The following LHCGR variants were observed in gnomAD, a reference collection of about 807,000 sequenced individuals.
The protein encoded by LHCGR is lutropin-choriogonadotropic hormone receptor.
LHCGR carries 55 observed loss-of-function variants against 60.7 expected under a neutral mutation model. The observed-to-expected ratio is 0.91, with a 90% confidence interval of 0.73 to 1.13. LHCGR has a LOEUF of 1.13. Among genes scored for constraint, LHCGR ranks in the 50% most tolerant of loss-of-function variants. The pLI, the probability that LHCGR is intolerant of heterozygous loss-of-function variation, is 0.00. For missense variants in LHCGR, 862 were observed against 836.0 expected, an observed-to-expected ratio of 1.03 and a Z score of -0.38; for synonymous variants, 337 against 316.5, an observed-to-expected ratio of 1.06 and a Z score of -0.69.
intron 1 of LHCGR, among the ~76,000 whole-genome samples, chr2:48,746,594 A>C (rs2103717297): frequency 6.6e-6 from 1 of 152,334 alleles, no homozygotes; most frequent in Middle Eastern, 3.4e-3. Flanking sequence ...AGATGGTGTG[A>C]GGAGTTTATG....
intron 1 of LHCGR, among the ~76,000 whole-genome samples, chr2:48,732,512 A>G (rs530905586): frequency 2.0e-5 from 3 of 152,286 alleles, no homozygotes; most frequent in Non-Finnish European, 4.4e-5. Context: ...TCACTCAACA[A>G]TGGTGTGAGG....
rs575596660 is a variant in LHCGR, at chr2:48,721,318, G to A, written c.536+2138C>T. 1.1e-4 allele frequency: 19 copies of A among 176,720 alleles called. 1 individual carries two copies. In the South Asian group the frequency reaches 2.4e-3, roughly 22 times the overall value. The allele number at this position is 176,720 out of a possible 1,614,324, so 10.9% of individuals were successfully genotyped here. A position where few individuals can be genotyped will look rare whatever the true frequency, so the allele number is the denominator to read the frequency against. On this transcript the variant is annotated intron_variant, in intron 6 of 10. Coordinates refer to ENST00000294954, the MANE Select transcript of LHCGR (RefSeq NM_000233.4). ...AGTTCCAGATCCATTATGCAATGGTGAGTTGAAAACACTTTATAAGCAGCC... is the reference window on the plus strand; with the variant it reads ...AGTTCCAGATCCATTATGCAATGGTAAGTTGAAAACACTTTATAAGCAGCC...
intron 7 of LHCGR, among the ~76,000 whole-genome samples, chr2:48,712,928 A>G (rs1469246347): frequency 6.6e-6 from 1 of 152,192 alleles, no homozygotes; most frequent in East Asian, 1.9e-4. Context: ...GATATAGCAC[A>G]TATCAATATA....
chr2:48,746,897 T>C (rs1048525219), intron 1 of LHCGR, among the ~76,000 whole-genome samples: 4 of 152,186 alleles, frequency 2.6e-5, no homozygotes, highest in African/African-American at 9.7e-5. Context: ...CCTGTAATGA[T>C]TTCTTGAAAA....
chr2:48,753,635 T>C (rs961193673), intron 1 of LHCGR, among the ~76,000 whole-genome samples: 4 of 152,308 alleles, frequency 2.6e-5, no homozygotes, highest in Middle Eastern at 3.4e-3. Context: ...AAAAAAAATT[T>C]ACTTCAGCCT....
Position 48,687,883 on chromosome 2 carries a change from CA to C in LHCGR, c.1913del (p.Leu638ArgfsTer41), listed in dbSNP as rs1679978989. Reference sequence around the variant, plus strand: ...GACGTTTACAGCAGCCAAATTTGCTCAGCAAAAGAAAGAAATCTCTTTGGAA... The same window carrying C: ...GACGTTTACAGCAGCCAAATTTGCTCGCAAAAGAAAGAAATCTCTTTGGAA... ...KTFQRDFFLLLSKFGCCKRRA... is the reference protein window; with the variant it reads ...KTFQRDFFLLXSKFGCCKRRA... On this transcript the variant is annotated frameshift_variant, in exon 11 of 11. Coordinates refer to ENST00000294954, the MANE Select transcript of LHCGR (RefSeq NM_000233.4). LOFTEE classifies it high-confidence loss of function. 1 of 1,613,930 alleles carries C rather than the reference CA, an allele frequency of 6.2e-7. No homozygotes were observed. Among genetic ancestry groups the C allele is most frequent in the African/African-American group, 1.3e-5 (1 of 74,866 alleles).
chr2:48,711,873 T>C (rs184096676), intron 7 of LHCGR, among the ~76,000 whole-genome samples: 1 of 152,306 alleles, frequency 6.6e-6, no homozygotes, highest in African/African-American at 2.4e-5. Context: ...AGATGAACCT[T>C]CTTTAAGCAC....
intron 9 of LHCGR, 35 bp downstream of exon 9, chr2:48,698,580 G>C (rs1486109556): frequency 6.4e-7 from 1 of 1,565,552 alleles, no homozygotes; most frequent in African/African-American, 1.4e-5. Flanking sequence ...TTCTGCCACA[G>C]CTTGGGTAGG....
intron 1 of LHCGR, 78 bp downstream of exon 1, chr2:48,755,433 G>A (rs1205519893): frequency 3.3e-6 from 3 of 900,618 alleles, no homozygotes; most frequent in South Asian, 1.5e-5. Context: ...GGGGCCAAAG[G>A]AGTAGGGAGG....
At chr2:48,706,439 C>T (rs1374058961) in intron 8 of LHCGR, among the ~76,000 whole-genome samples, 1 of 152,162 alleles carries the variant, frequency 6.6e-6, no homozygotes, top group Non-Finnish European at 1.5e-5. Flanking sequence ...GAATGTTGGC[C>T]TGCCTTGCTA....
At chr2:48,720,547 C>G (rs1558858733) in intron 6 of LHCGR, 1 of 152,276 alleles carries the variant, frequency 6.6e-6, no homozygotes, top group Non-Finnish European at 1.5e-5. Context: ...ACTTAAGGGT[C>G]TCTGCAATTC....
Position 48,691,235 on chromosome 2 carries a change from T to G in LHCGR, c.948-2386A>C, listed in dbSNP as rs1215419611. Among the ~76,000 whole-genome samples the G allele has an allele frequency of 1.4e-4, 21 of 152,168 alleles. 1 individual carries two copies. Among genetic ancestry groups the G allele is most frequent in the Admixed American group, 1.4e-3 (21 of 15,268 alleles). On this transcript the variant is annotated intron_variant, in intron 10 of 10. Transcript: ENST00000294954. Reference sequence around the variant, plus strand: ...AACTTCCCATGTTTTGTATTTTAAGTGCATACCTAGTTCAGTGAGTGGAGG... The same window carrying G: ...AACTTCCCATGTTTTGTATTTTAAGGGCATACCTAGTTCAGTGAGTGGAGG...
At chr2:48,714,174 T>G (rs1049480627) in intron 6 of LHCGR, 120 bp from the exon 7 acceptor site, 8 of 722,976 alleles carry the variant, frequency 1.1e-5, no homozygotes, top group African/African-American at 1.0e-4. Context: ...TAATATCTAG[T>G]TCTCCATCAT....
intron 8 of LHCGR, among the ~76,000 whole-genome samples, chr2:48,705,196 G>A (rs562754333): frequency 3.2e-4 from 48 of 152,262 alleles, no homozygotes; most frequent in South Asian, 8.3e-4. Context: ...GTAGTTGTGC[G>A]GTTTTGAGTG....
At chr2:48,744,552 C>G (rs1360852014) in intron 1 of LHCGR, among the ~76,000 whole-genome samples, 1 of 80,554 alleles carries the variant, frequency 1.2e-5, no homozygotes, top group Admixed American at 1.4e-4. Context: ...ATATCTACAA[C>G]TATCTGATCT....
rs533731270 is a variant in LHCGR, at chr2:48,747,770, T to A, written c.161+7741A>T. 7.5e-4 allele frequency among the ~76,000 whole-genome samples: 114 copies of A among 152,310 alleles called. 1 individual carries two copies. The highest frequency in any genetic ancestry group is 2.6e-3 in the African/African-American group (108 of 41,566). On this transcript the variant is annotated intron_variant, in intron 1 of 10. Transcript: ENST00000294954. Reference sequence around the variant, plus strand: ...CCTTCTTATCCTTCTATTAAGTTAATCTCTTATGATTAAAATGGTCAGAAT... The same window carrying A: ...CCTTCTTATCCTTCTATTAAGTTAAACTCTTATGATTAAAATGGTCAGAAT...
At position 48,688,620 on chromosome 2, in the gene LHCGR, C is replaced by T. The variant is rs563322878; in HGVS notation, c.1177G>A (p.Val393Met). 1 of 1,614,162 alleles carries T rather than the reference C, an allele frequency of 6.2e-7. No individual in the cohort carries two copies. The highest frequency in any genetic ancestry group is 1.1e-5 in the South Asian group (1 of 91,080). ...AGATTGCACATGAGAAAACGAGGCACTGTAAGTTTGTAACGACTTGTCAGG... is the reference window on the plus strand; with the variant it reads ...AGATTGCACATGAGAAAACGAGGCATTGTAAGTTTGTAACGACTTGTCAGG... Reference protein sequence around the residue: ...VLLTSRYKLTVPRFLMCNLSF... With the variant: ...VLLTSRYKLTMPRFLMCNLSF... Residue 393 changes from valine (V) to methionine (M), a missense_variant, in exon 11 of 11, where the codon GTG (valine) becomes ATG (methionine). Physicochemically the swap from Val to Met is conservative, Grantham distance 21. Transcript: ENST00000294954. The surrounding 1 kb of genome is among the most constrained non-coding windows in gnomAD (Gnocchi z 5.2).
At chr2:48,705,682 A>C (rs994832883) in intron 8 of LHCGR, among the ~76,000 whole-genome samples, 1 of 149,966 alleles carries the variant, frequency 6.7e-6, no homozygotes, top group African/African-American at 2.4e-5. Context: ...GTTGGTTTAA[A>C]GTCTATTTTA....
intron 10 of LHCGR, among the ~76,000 whole-genome samples, chr2:48,693,407 T>C (rs544991172): frequency 9.8e-5 from 15 of 152,288 alleles, no homozygotes; most frequent in Non-Finnish European, 1.8e-4. Flanking sequence ...CAAAGATTCA[T>C]ATACTTGGAA....
Sources: gnomAD v4.1 joint callset for allele counts (sites outside exome capture counted in the v4.1 genomes callset) on GRCh38, gnomAD v4.1.1 for gene constraint, Gnocchi (gnomAD v3.1) non-coding constraint, MANE v1.5 for transcripts, NCBI Gene and HGNC (gene_info 2026-07-23, HGNC 2026-07-21) for gene names.